NCOR1: variants seen among roughly 807,000 people sequenced by gnomAD.
NCOR1 encodes the protein protein phosphatase 1, regulatory subunit 109.
A neutral mutation model predicts 288.1 loss-of-function variants in NCOR1; 63 were observed. That is an observed-to-expected ratio of 0.22 (90% CI 0.18 to 0.27). The LOEUF is 0.27. NCOR1 is among the 10% of genes least tolerant of loss of function. NCOR1 has a pLI of 1.00. For synonymous variants in NCOR1, 1,007 were observed against 1,065.9 expected, an observed-to-expected ratio of 0.94 and a Z score of 1.08; for missense variants, 2,397 against 3,019.2, an observed-to-expected ratio of 0.79 and a Z score of 4.83.
chr17:16,072,980 G>GA (rs2061944034), intron 28 of NCOR1, among the ~76,000 whole-genome samples: 1 of 152,164 alleles, frequency 6.6e-6, no homozygotes. Flanking sequence ...ATTTACAGAG[G>GA]AAGAAACAGG....
chr17:16,061,249 A>G (rs2060516814), intron 37 of NCOR1, 152 bp downstream of exon 37: 2 of 963,980 alleles, frequency 2.1e-6, no homozygotes, highest in South Asian at 1.7e-5. Flanking sequence ...GGATATTTAA[A>G]TAATCATAAA....
chr17:16,197,066 G>T (rs1460101966), intron 1 of NCOR1, among the ~76,000 whole-genome samples: 1 of 151,666 alleles, frequency 6.6e-6, no homozygotes, highest in Non-Finnish European at 1.5e-5. Flanking sequence ...CGGGCGCGGT[G>T]GCTCACGCAC....
In NCOR1 at chr17:16,065,488, T is replaced by G. The variant is rs758552311; in HGVS notation, c.4948A>C (p.Arg1650=). Residue 1650 remains arginine, a synonymous_variant, in exon 33 of 46, where the codon AGA becomes CGA. Transcript: ENST00000268712. ...TCTGAAATGCAAAGACACACACCTC[T>G]CGTTGCTGGGTATGGGAGACCCAGT... is the stretch of plus-strand genomic sequence containing the variant. ...QPLGLPYPAT[R]GIIDLTNMPP... 2 of 1,614,044 alleles carry G rather than the reference T, an allele frequency of 1.2e-6. No homozygotes were observed. Among genetic ancestry groups the G allele is most frequent in the Non-Finnish European group, 1.7e-6 (2 of 1,180,032 alleles).
At chr17:16,064,612 AAC>A in intron 34 of NCOR1, among the ~76,000 whole-genome samples, 1 of 149,662 alleles carries the variant, frequency 6.7e-6, no homozygotes, top group Non-Finnish European at 1.5e-5. Context: ...CCAAAACAAA[AAC>A]AAAAAAAAAA....
chr17:16,041,404 C>CTTTTATTT, intron 42 of NCOR1: 1 of 103,790 alleles, frequency 9.6e-6, no homozygotes, highest in Non-Finnish European at 1.9e-5. Flanking sequence ...TGTGAAAGTT[C>CTTTTATTT]TTTTTTTTTT....
intron 14 of NCOR1, among the ~76,000 whole-genome samples, chr17:16,127,606 CATATGTGTATGTGTATATATACATAT>C (rs2074808797): frequency 6.7e-5 from 8 of 119,948 alleles, no homozygotes; most frequent in South Asian, 5.6e-4. Context: ...TGTATACATA[CATATGTGTATGTGTATATATACATAT>C]ATGTATATAT....
intron 40 of NCOR1, among the ~76,000 whole-genome samples, chr17:16,050,321 G>T (rs1348798693): frequency 6.6e-6 from 1 of 151,544 alleles, no homozygotes; most frequent in Non-Finnish European, 1.5e-5. Context: ...CTCCCAGGTT[G>T]AAAGGATTCT....
chr17:16,071,138 T>G (rs1032139738), intron 30 of NCOR1, among the ~76,000 whole-genome samples: 13 of 150,654 alleles, frequency 8.6e-5, no homozygotes, highest in Non-Finnish European at 1.8e-4. Context: ...AAATTCTGGG[T>G]GTGGAGGTAC....
chr17:16,039,219 C>A, intron 44 of NCOR1: 1 of 557,432 alleles, frequency 1.8e-6, no homozygotes, highest in Non-Finnish European at 3.2e-6. Flanking sequence ...GAGGGTGACA[C>A]TTTGGGTAAA....
chr17:16,205,937 CA>C (rs199837579), intron 1 of NCOR1, among the ~76,000 whole-genome samples: 1,561 of 67,742 alleles, frequency 0.023, 15 homozygotes, highest in African/African-American at 0.064. Context: ...TACTCCGTCT[CA>C]AAAAAAAAAA....
At chr17:16,130,821 C>G (rs62073628) in intron 14 of NCOR1, among the ~76,000 whole-genome samples, 405 of 140,794 alleles carry the variant, frequency 2.9e-3, no homozygotes, top group Non-Finnish European at 4.8e-3. Flanking sequence ...GTAGCTTGGA[C>G]TACCAGCACA....
intron 11 of NCOR1, 112 bp downstream of exon 11, chr17:16,143,494 T>C: frequency 1.3e-6 from 1 of 766,650 alleles, no homozygotes; most frequent in Non-Finnish European, 2.1e-6. Context: ...CAGTCTAAAC[T>C]CTAGCACTCA....
intron 1 of NCOR1, among the ~76,000 whole-genome samples, chr17:16,198,966 T>C (rs1178964362): frequency 6.6e-6 from 1 of 151,932 alleles, no homozygotes; most frequent in Non-Finnish European, 1.5e-5. Flanking sequence ...TAGAAACCCA[T>C]GAGGTACAAT....
intron 4 of NCOR1, among the ~76,000 whole-genome samples, chr17:16,166,314 T>C (rs949601455): frequency 6.6e-6 from 1 of 152,228 alleles, no homozygotes; most frequent in Non-Finnish European, 1.5e-5. Context: ...CCCTAGAGTT[T>C]ATGATTCCTC....
At chr17:16,074,465 T>C (rs1313017696) in intron 27 of NCOR1, among the ~76,000 whole-genome samples, 3 of 152,200 alleles carry the variant, frequency 2.0e-5, no homozygotes, top group African/African-American at 4.8e-5. Context: ...CAGAGGTGTG[T>C]AGACTTCTGA....
intron 18 of NCOR1, among the ~76,000 whole-genome samples, chr17:16,113,038 A>G (rs756045972): frequency 8.6e-5 from 13 of 151,658 alleles, no homozygotes; most frequent in African/African-American, 1.9e-4. Context: ...AGCCTCCCCA[A>G]TGGCTGGGAC....
In NCOR1 at chr17:16,048,878, A is replaced by G. The variant is rs1008583671; in HGVS notation, c.6503T>C (p.Leu2168Ser). Residue 2168 changes from leucine (L) to serine (S), a missense_variant, in exon 41 of 46, where the codon TTG becomes TCG. This residue lies in a region of NCOR1 where 1,872 missense variants were observed against 2,187.8 expected (regional missense o/e 0.86). Coordinates refer to ENST00000268712, the MANE Select transcript of NCOR1 (RefSeq NM_006311.4). ...TGCAGGCTCTGCGCCCCTCTGAGAC[A>G]AGAGCAGCAAGCTGTCCTGTTTCTC... ...VHEKQDSLLL[L>S]SQRGAEPAEQ... The G allele has an allele frequency of 3.1e-6, 5 of 1,613,632 alleles. No homozygotes were observed. The highest frequency in any genetic ancestry group is 4.2e-6 in the Non-Finnish European group (5 of 1,179,774).
At chr17:16,112,504 T>C (rs932887698) in intron 18 of NCOR1, among the ~76,000 whole-genome samples, 3 of 152,202 alleles carry the variant, frequency 2.0e-5, no homozygotes, top group African/African-American at 7.2e-5. Flanking sequence ...AACTTTTCTT[T>C]TTTTTCTTTT....
At chr17:16,099,841 T>A (rs115220078) in intron 20 of NCOR1, among the ~76,000 whole-genome samples, 2,738 of 152,322 alleles carry the variant, frequency 0.018, 86 homozygotes, top group African/African-American at 0.062. Flanking sequence ...ACACCTATTT[T>A]ATTTCAATTC....
Sources: gnomAD v4.1 joint callset for allele counts (sites outside exome capture counted in the v4.1 genomes callset) on GRCh38, gnomAD v4.1.1 for gene constraint, gnomAD v4.1.1 regional missense constraint, MANE v1.5 for transcripts, NCBI Gene and HGNC (gene_info 2026-07-23, HGNC 2026-07-21) for gene names.